The following PIK3AP1 variants were observed in gnomAD, a reference collection of about 807,000 sequenced individuals.
PIK3AP1 encodes the protein phosphoinositide 3-kinase adapter protein 1.
Under a neutral mutation model 88.1 loss-of-function variants are expected in PIK3AP1, and 21 were observed. That is an observed-to-expected ratio of 0.24 (90% CI 0.17 to 0.34). PIK3AP1 has a LOEUF of 0.34. Ranked by LOEUF, PIK3AP1 falls within the 10% of genes least tolerant of loss-of-function variation. PIK3AP1 has a pLI of 1.00. For missense variants in PIK3AP1, 828 were observed against 1,035.7 expected (o/e 0.80, Z 2.75); for synonymous variants, 398 against 400.0 (o/e 1.00, Z 0.06).
At chr10:96,633,005 A>C (rs1420522919) in intron 8 of PIK3AP1, 3 of 1,612,624 alleles carry the variant, frequency 1.9e-6, no homozygotes, top group Non-Finnish European at 2.5e-6. Flanking sequence ...CTGATCAGCA[A>C]CTCAGATGCA....
At chr10:96,709,473 T>C (rs1414947956) in intron 2 of PIK3AP1, 94 bp downstream of exon 2, 2 of 1,391,774 alleles carry the variant, frequency 1.4e-6, no homozygotes, top group East Asian at 2.3e-5. Flanking sequence ...CTTAACATAG[T>C]GAGATCCCCG....
chr10:96,717,024 G>GC (rs1844510844), intron 1 of PIK3AP1, among the ~76,000 whole-genome samples: 3 of 152,142 alleles, frequency 2.0e-5, no homozygotes, highest in African/African-American at 7.2e-5. Flanking sequence ...CACTTTGGGA[G>GC]GCTAAGGAGG....
chr10:96,700,817 C>T (rs1296960567), intron 2 of PIK3AP1: 3 of 985,486 alleles, frequency 3.0e-6, no homozygotes, highest in South Asian at 4.7e-5. Context: ...TGCGAGGCCA[C>T]GACACCGAGC....
intron 3 of PIK3AP1, 80 bp downstream of exon 3, chr10:96,656,718 C>T (rs1234026037): frequency 3.2e-6 from 5 of 1,562,712 alleles, no homozygotes; most frequent in South Asian, 2.3e-5. Context: ...CAAGAAACCA[C>T]TCTCTTTACT....
chr10:96,706,694 G>A lies in PIK3AP1; in HGVS notation c.430+2873C>T, dbSNP rs542028305. Among the ~76,000 whole-genome samples, 13 of 152,286 alleles carry A rather than the reference G, an allele frequency of 8.5e-5. No individual in the cohort carries two copies. In the East Asian group the frequency reaches 1.3e-3, roughly 16 times the overall value. On this transcript the variant is annotated intron_variant, in intron 2 of 16. Coordinates refer to ENST00000339364, the MANE Select transcript of PIK3AP1 (RefSeq NM_152309.3). The stretch of plus-strand genomic sequence containing the variant: ...TAGGCATCTGGTTAGCAGCAGAGCC[G>A]GGTAATGCAGTGTCCCTAACCCTGG...
chr10:96,612,998 T>A (rs1374485614), intron 13 of PIK3AP1, among the ~76,000 whole-genome samples: 2 of 64,264 alleles, frequency 3.1e-5, no homozygotes, highest in East Asian at 5.3e-4. Flanking sequence ...TTTTTTTTTT[T>A]TTTTTTTTTT....
intron 10 of PIK3AP1, among the ~76,000 whole-genome samples, chr10:96,625,156 G>A (rs965132683): frequency 1.3e-5 from 2 of 152,194 alleles, no homozygotes; most frequent in Non-Finnish European, 2.9e-5. Context: ...TCCCACCGGA[G>A]GATGCAAGTA....
At chr10:96,666,434 A>C (rs545433139) in intron 2 of PIK3AP1, among the ~76,000 whole-genome samples, 3 of 152,302 alleles carry the variant, frequency 2.0e-5, no homozygotes, top group Admixed American at 1.3e-4. Context: ...AACAAACAAA[A>C]AAAAGAGTTA....
chr10:96,672,093 CAAA>C (rs1212809382), intron 2 of PIK3AP1, among the ~76,000 whole-genome samples: 1 of 152,100 alleles, frequency 6.6e-6, no homozygotes, highest in Non-Finnish European at 1.5e-5. Context: ...TCCCTGGAAA[CAAA>C]GAGAAAGTTG....
intron 6 of PIK3AP1, among the ~76,000 whole-genome samples, chr10:96,650,577 A>G (rs2134233244): frequency 6.6e-6 from 1 of 152,314 alleles, no homozygotes; most frequent in East Asian, 1.9e-4. Context: ...GACACAGCTG[A>G]GGAGTGCTAG....
Position 96,623,537 on chromosome 10 carries a change from A to C in PIK3AP1, c.1670T>G (p.Val557Gly). The change falls in exon 11 of 17, where the codon GTT (valine) becomes GGT (glycine). Residue 557 changes from valine (V) to glycine (G), a missense_variant and splice_region_variant. Val to Gly is a moderately radical substitution (Grantham distance 109, BLOSUM62 -3). Coordinates refer to ENST00000339364, the MANE Select transcript of PIK3AP1 (RefSeq NM_152309.3). Reference protein sequence around the residue: ...LPDNEPYIFKVFAEKSQERPG... With the variant: ...LPDNEPYIFKGFAEKSQERPG... ...CCGCTCTTGACTTTTTTCTGCAAAA[A>C]CTATGAGATAAAGAATATTCTGATT... 1 of 1,598,956 alleles carries C rather than the reference A, an allele frequency of 6.3e-7. No individual in the cohort carries two copies.
At chr10:96,668,076 CTT>C (rs1024989068) in intron 2 of PIK3AP1, among the ~76,000 whole-genome samples, 1 of 152,084 alleles carries the variant, frequency 6.6e-6, no homozygotes, top group Non-Finnish European at 1.5e-5. Context: ...AAAATATTAA[CTT>C]AATAGCACAA....
intron 4 of PIK3AP1, among the ~76,000 whole-genome samples, chr10:96,651,854 G>A (rs955448971): frequency 1.3e-5 from 2 of 152,030 alleles, no homozygotes; most frequent in African/African-American, 2.4e-5. Flanking sequence ...AGGGCTCTGG[G>A]CCACAGCAAT....
At chr10:96,637,950 C>T (rs1387168533) in intron 8 of PIK3AP1, among the ~76,000 whole-genome samples, 7 of 152,192 alleles carry the variant, frequency 4.6e-5, no homozygotes, top group African/African-American at 9.7e-5. Context: ...CTCAGGCTTT[C>T]GAGCTCAGAC....
intron 1 of PIK3AP1, among the ~76,000 whole-genome samples, chr10:96,712,284 G>T (rs962014360): frequency 6.6e-6 from 1 of 152,132 alleles, no homozygotes; most frequent in African/African-American, 2.4e-5. Flanking sequence ...AAACCAGTCC[G>T]CAATTCTGAC....
At chr10:96,598,270 C>T (rs964666309) in intron 16 of PIK3AP1, among the ~76,000 whole-genome samples, 1 of 151,990 alleles carries the variant, frequency 6.6e-6, no homozygotes, top group African/African-American at 2.4e-5. Flanking sequence ...AGGCTGGTCT[C>T]AAACTCCTGA....
At position 96,686,113 on chromosome 10, in the gene PIK3AP1, T is replaced by G. The variant is rs1844064462; in HGVS notation, c.430+23454A>C. On this transcript the variant is annotated intron_variant, in intron 2 of 16. Transcript: ENST00000339364. ...TTAGATCATGAGTGTTCCAAAAGCA[T>G]TTTTTTCCTTCACAATTCAGGATGT... is the stretch of plus-strand genomic sequence containing the variant. Among the ~76,000 whole-genome samples, 3 of 152,188 alleles carry G rather than the reference T, an allele frequency of 2.0e-5. No individual in the cohort carries two copies. In the South Asian group the frequency reaches 6.2e-4, roughly 31 times the overall value.
intron 14 of PIK3AP1, among the ~76,000 whole-genome samples, chr10:96,608,625 G>T (rs1314448709): frequency 6.6e-6 from 1 of 152,238 alleles, no homozygotes; most frequent in Non-Finnish European, 1.5e-5. Flanking sequence ...AACTAGCTCA[G>T]AGGTTCTTGA....
At chr10:96,682,667 T>C (rs754793010) in intron 2 of PIK3AP1, among the ~76,000 whole-genome samples, 41 of 152,218 alleles carry the variant, frequency 2.7e-4, no homozygotes, top group Non-Finnish European at 5.3e-4. Flanking sequence ...CATTAATAGA[T>C]GCTTTTTAGC....
Sources: allele counts gnomAD v4.1 joint callset (sites outside exome capture counted in the v4.1 genomes callset), GRCh38; gene constraint gnomAD v4.1.1; transcripts MANE v1.5; gene names NCBI Gene and HGNC (gene_info 2026-07-23, HGNC 2026-07-21).